Variants in WWOX observed in about 807,000 individuals in gnomAD.
WWOX encodes the protein WW domain-containing oxidoreductase.
A neutral mutation model predicts 46.2 loss-of-function variants in WWOX; 69 were observed. The observed-to-expected ratio is 1.49, with a 90% CI of 1.23 to 1.82. WWOX has a LOEUF of 1.82. Among genes scored for constraint, WWOX ranks in the 40% most tolerant of loss-of-function variants. The pLI, the probability that WWOX is intolerant of heterozygous loss-of-function variation, is 0.00. For missense variants in WWOX, 919 were observed against 542.6 expected (o/e 1.69, Z -6.89); for synonymous variants, 359 against 202.6 (o/e 1.77, Z -6.56).
chr16:78,114,379 C>T (rs779766791), intron 3 of WWOX, among the ~76,000 whole-genome samples: 2 of 152,154 alleles, frequency 1.3e-5, no homozygotes, highest in East Asian at 1.9e-4. Context: ...AGATTACAGG[C>T]GTGAGCCACT....
At position 78,297,846 on chromosome 16, in the gene WWOX, G is replaced by A. The variant is rs180764021; in HGVS notation, c.517-89014G>A. On this transcript the variant is annotated intron_variant, in intron 5 of 8. Transcript: ENST00000566780. ...GAAACTGTGCAGGAGTTCCAGGGAA[G>A]GTGCCATTTTTCCATATGGAGTTGA... 1.7e-3 allele frequency among the ~76,000 whole-genome samples: 261 copies of A among 152,244 alleles called. 3 individuals carry two copies. The highest frequency in any genetic ancestry group is 2.7e-3 in the Non-Finnish European group (187 of 68,002).
intron 5 of WWOX, among the ~76,000 whole-genome samples, chr16:78,299,333 G>A (rs2079999834): frequency 6.6e-6 from 1 of 152,050 alleles, no homozygotes; most frequent in Non-Finnish European, 1.5e-5. Context: ...TCTTTGGTAT[G>A]CATAAATTCT....
At chr16:78,480,325 G>T (rs1343308163) in intron 8 of WWOX, among the ~76,000 whole-genome samples, 1 of 152,158 alleles carries the variant, frequency 6.6e-6, no homozygotes, top group Non-Finnish European at 1.5e-5. Context: ...AAAGTGTGAA[G>T]GATGAACCAC....
chr16:78,447,822 G>T (rs73572881), intron 8 of WWOX, among the ~76,000 whole-genome samples: 2,527 of 152,214 alleles, frequency 0.017, 71 homozygotes, highest in African/African-American at 0.056. Flanking sequence ...ATTATTATGT[G>T]AGTTGGAGTC....
chr16:78,950,891 G>A (rs1259392010), intron 8 of WWOX, among the ~76,000 whole-genome samples: 3 of 152,178 alleles, frequency 2.0e-5, no homozygotes, highest in African/African-American at 7.2e-5. Flanking sequence ...TGGCAGAGGT[G>A]TGGTAGCTGA....
rs141994220 is a variant in WWOX, at chr16:78,467,656, G to T, written c.1056+34904G>T. Among the ~76,000 whole-genome samples the T allele has an allele frequency of 2.0e-5, 3 of 152,322 alleles. No individual in the cohort carries two copies. The East Asian group carries it at 5.8e-4, about 29-fold the overall frequency. On this transcript the variant is annotated intron_variant, in intron 8 of 8. Transcript: ENST00000566780. ...TATAACTGTAACTTGGCTTTCATTA[G>T]AGTAGAAAGAGATAAAGCTTTGCTT...
chr16:78,791,954 TTTC>T (rs1195837984), intron 8 of WWOX, among the ~76,000 whole-genome samples: 2 of 152,090 alleles, frequency 1.3e-5, no homozygotes, highest in Admixed American at 6.5e-5. Flanking sequence ...TTCACAAGTT[TTTC>T]TTATTGTTTT....
chr16:78,552,174 C>T (rs562761760), intron 8 of WWOX: 2 of 152,272 alleles, frequency 1.3e-5, no homozygotes, highest in South Asian at 2.1e-4. Context: ...ATGTGACCTC[C>T]AATTAAAGCT....
chr16:78,888,879 C>T (rs988201211), intron 8 of WWOX, among the ~76,000 whole-genome samples: 1 of 152,062 alleles, frequency 6.6e-6, no homozygotes, highest in African/African-American at 2.4e-5. Context: ...TCTGTTTACT[C>T]GATCTAATTT....
chr16:79,022,005 G>C (rs138749317), intron 8 of WWOX, among the ~76,000 whole-genome samples: 35 of 152,300 alleles, frequency 2.3e-4, no homozygotes, highest in African/African-American at 8.2e-4. Context: ...TAAATGATAG[G>C]GATTGATATT....
intron 8 of WWOX, among the ~76,000 whole-genome samples, chr16:78,883,167 A>G (rs2044379809): frequency 6.6e-6 from 1 of 152,180 alleles, no homozygotes; most frequent in African/African-American, 2.4e-5. Context: ...AATAACTCAG[A>G]AAACAGTGAT....
chr16:78,891,606 A>G (rs1180084467), intron 8 of WWOX: 1 of 152,220 alleles, frequency 6.6e-6, no homozygotes, highest in African/African-American at 2.4e-5. Context: ...TAATGTGAGA[A>G]CACCTTCAGT....
chr16:79,090,321 T>G (rs2048934331), intron 8 of WWOX, among the ~76,000 whole-genome samples: 1 of 122,506 alleles, frequency 8.2e-6, no homozygotes, highest in African/African-American at 3.0e-5. Flanking sequence ...GTGTGTGTGA[T>G]ATAATGTGTT....
intron 8 of WWOX, among the ~76,000 whole-genome samples, chr16:79,170,551 G>A (rs1047544493): frequency 2.6e-5 from 4 of 152,100 alleles, no homozygotes; most frequent in African/African-American, 9.7e-5. Flanking sequence ...AAATCTGACT[G>A]TAAATTACTT....
intron 5 of WWOX, among the ~76,000 whole-genome samples, chr16:78,319,834 G>T (rs576168732): frequency 3.9e-5 from 6 of 152,236 alleles, no homozygotes; most frequent in African/African-American, 1.4e-4. Flanking sequence ...CTGTGAGGAA[G>T]CAAAACTTTT....
Position 78,580,270 on chromosome 16 carries a change from C to A in WWOX, c.1056+147518C>A, listed in dbSNP as rs193124822. Among the ~76,000 whole-genome samples, 23 of 152,124 alleles carry A rather than the reference C, an allele frequency of 1.5e-4. No homozygotes were observed. The South Asian group carries it at 4.8e-3, about 32-fold the overall frequency. On this transcript the variant is annotated intron_variant, in intron 8 of 8. Coordinates refer to ENST00000566780, the MANE Select transcript of WWOX (RefSeq NM_016373.4). Reference sequence around the variant, plus strand: ...TGTATTTTTAGTAGAGATGGGGTCTCACTATGTTGCCCAGGCTGACCTCAA... The same window carrying A: ...TGTATTTTTAGTAGAGATGGGGTCTAACTATGTTGCCCAGGCTGACCTCAA...
At chr16:78,512,286 A>G (rs1243845296) in intron 8 of WWOX, among the ~76,000 whole-genome samples, 3 of 152,218 alleles carry the variant, frequency 2.0e-5, no homozygotes, top group Non-Finnish European at 4.4e-5. Context: ...GGATCACATT[A>G]TAAAAGCAAT....
chr16:78,258,789 A>G (rs968434891), intron 5 of WWOX, among the ~76,000 whole-genome samples: 1 of 151,312 alleles, frequency 6.6e-6, no homozygotes, highest in Admixed American at 6.6e-5. Flanking sequence ...AGTACTCCTC[A>G]TATTATCTTG....
rs572582101 is a variant in WWOX, at chr16:78,528,472, A to G, written c.1056+95720A>G. Among the ~76,000 whole-genome samples, 3 of 152,240 alleles carry G rather than the reference A, an allele frequency of 2.0e-5. No homozygotes were observed. In the East Asian group the frequency reaches 5.8e-4, roughly 29 times the overall value. ...AGGGTGTTTTGTTGCCAGTAAAAACATGAGTCAGATTTCATGATTGATTCA... is the reference window on the plus strand; with the variant it reads ...AGGGTGTTTTGTTGCCAGTAAAAACGTGAGTCAGATTTCATGATTGATTCA... On this transcript the variant is annotated intron_variant, in intron 8 of 8. Transcript: ENST00000566780.
Sources: allele counts gnomAD v4.1 joint callset (sites outside exome capture counted in the v4.1 genomes callset), GRCh38; gene constraint gnomAD v4.1.1; transcripts MANE v1.5; gene names NCBI Gene and HGNC (gene_info 2026-07-23, HGNC 2026-07-21).